The following DSCAML1 variants were observed in gnomAD, a reference collection of about 807,000 sequenced individuals.
DSCAML1 encodes cell adhesion molecule DSCAML1.
In DSCAML1, 38 loss-of-function variants were observed where a neutral mutation model predicts 200.5. The observed-to-expected ratio is 0.19, with a 90% CI of 0.15 to 0.25. DSCAML1 has a LOEUF of 0.25. Among genes scored for constraint, DSCAML1 ranks in the 10% least tolerant of loss-of-function variants. The pLI, the probability that DSCAML1 is intolerant of heterozygous loss-of-function variation, is 1.00. For synonymous variants in DSCAML1, 1,215 were observed against 1,165.0 expected (o/e 1.04, Z -0.87); for missense variants, 2,223 against 2,858.8 (o/e 0.78, Z 5.07).
At position 117,503,873 on chromosome 11, in the gene DSCAML1, G is replaced by A. The variant is rs146798244; in HGVS notation, c.2331C>T (p.Ile777=). The change falls in exon 11 of 33, where the codon ATC becomes ATT. Residue 777 remains isoleucine, a synonymous_variant. Transcript: ENST00000651296. The surrounding 1 kb of genome is among the most constrained non-coding windows in gnomAD (Gnocchi z 5.2). ...TGACTGTGAGGAACATGGACTTGCT[G>A]ATGTCGGTGCCTACGCCGTTGCTGG... The part of the protein sequence containing the change: ...CQASNGVGTD[I]SKSMFLTVKI... 7.4e-6 allele frequency: 12 copies of A among 1,614,022 alleles called. No homozygotes were observed. In the African/African-American group the frequency reaches 1.6e-4, roughly 22 times the overall value.
chr11:117,806,529 G>A (rs896055960), intron 1 of DSCAML1, among the ~76,000 whole-genome samples: 3 of 152,204 alleles, frequency 2.0e-5, no homozygotes, highest in African/African-American at 7.2e-5. Flanking sequence ...TAATAACAAT[G>A]ATTATAATTG....
At chr11:117,695,145 AAG>A (rs1248208013) in intron 3 of DSCAML1, among the ~76,000 whole-genome samples, 1 of 152,178 alleles carries the variant, frequency 6.6e-6, no homozygotes, top group African/African-American at 2.4e-5. Context: ...AGTAGGAAAA[AAG>A]GGAGAGAAAG....
At chr11:117,501,316 G>A (rs1343224694) in intron 11 of DSCAML1, among the ~76,000 whole-genome samples, 1 of 152,142 alleles carries the variant, frequency 6.6e-6, no homozygotes, top group Non-Finnish European at 1.5e-5. Flanking sequence ...AAGGCCAGGT[G>A]CACCAGCAGT....
chr11:117,594,181 A>G (rs1476288140), intron 3 of DSCAML1, among the ~76,000 whole-genome samples: 1 of 152,172 alleles, frequency 6.6e-6, no homozygotes, highest in African/African-American at 2.4e-5. Flanking sequence ...GTGCACAGAT[A>G]TTGGGTCCTG....
At chr11:117,626,763 T>C (rs2052055532) in intron 3 of DSCAML1, among the ~76,000 whole-genome samples, 1 of 152,096 alleles carries the variant, frequency 6.6e-6, no homozygotes, top group South Asian at 2.1e-4. Context: ...CCCACATCCC[T>C]GGACTACTGG....
chr11:117,691,809 T>A (rs1253852316), intron 3 of DSCAML1, among the ~76,000 whole-genome samples: 1 of 152,116 alleles, frequency 6.6e-6, no homozygotes, highest in African/African-American at 2.4e-5. Context: ...CCAGGGGGGT[T>A]TTGCTCACAA....
intron 3 of DSCAML1, among the ~76,000 whole-genome samples, chr11:117,725,578 C>T (rs915089712): frequency 1.2e-4 from 19 of 152,196 alleles, no homozygotes; most frequent in African/African-American, 4.1e-4. Context: ...CTGTTGAGCA[C>T]ACCAGAGTGA....
chr11:117,514,572 CTTTTTTTTTTTTT>C (rs532136039), intron 8 of DSCAML1, among the ~76,000 whole-genome samples: 2,110 of 98,398 alleles, frequency 0.021, 68 homozygotes, highest in African/African-American at 0.08. Context: ...TTTTCTTTTT[CTTTTTTTTTTTTT>C]TTTTTTTTTT....
chr11:117,597,334 G>A (rs910561100), intron 3 of DSCAML1, among the ~76,000 whole-genome samples: 2 of 152,222 alleles, frequency 1.3e-5, no homozygotes, highest in Non-Finnish European at 2.9e-5. Flanking sequence ...AAACACCTCT[G>A]CAAGAAGCAA....
chr11:117,714,826 G>GGGAAA (rs10684152), intron 3 of DSCAML1, among the ~76,000 whole-genome samples: 40 of 115,558 alleles, frequency 3.5e-4, no homozygotes, highest in Admixed American at 1.7e-3. Context: ...TCATCTTGAG[G>GGGAAA]AAAAAAAAAA....
chr11:117,595,914 A>T (rs2051354891), intron 3 of DSCAML1, among the ~76,000 whole-genome samples: 1 of 152,218 alleles, frequency 6.6e-6, no homozygotes, highest in Non-Finnish European at 1.5e-5. Context: ...GAAGGAACAA[A>T]ATGTCATGTC....
rs1201395630 is a variant in DSCAML1 at position 117,489,636 on chromosome 11, C to A, written c.2360-7474G>T. ...ACCCTGGTGTGAAGACGGCCCATTT[C>A]ATTCAAGCCTCAGTTACAGTCCCCA... On this transcript the variant is annotated intron_variant, in intron 11 of 32. Coordinates refer to ENST00000651296, the MANE Select transcript of DSCAML1 (RefSeq NM_020693.4). This position sits in a 1 kb window ranked among gnomAD's most constrained non-coding sequence, Gnocchi z 4.8. Among the ~76,000 whole-genome samples, 1 of 152,170 alleles carries A rather than the reference C, an allele frequency of 6.6e-6. No individual in the cohort carries two copies. The highest frequency in any genetic ancestry group is 1.5e-5 in the Non-Finnish European group (1 of 68,004).
intron 3 of DSCAML1, among the ~76,000 whole-genome samples, chr11:117,673,696 G>T (rs568802929): frequency 6.6e-6 from 1 of 152,248 alleles, no homozygotes; most frequent in African/African-American, 2.4e-5. Context: ...TCACCACTGG[G>T]TTGAGGAGGT....
chr11:117,780,281 A>AAAGAAAGAAAGG lies in DSCAML1; in HGVS notation c.364+211_364+212insCCTTTCTTTCTT. Reference sequence around the variant, plus strand: ...GAAAGAAAGAAAGAAAGAAAGAAAGAAAGAAAGAAAGAAAGAAAGAAAGAG... The same window carrying AAAGAAAGAAAGG: ...GAAAGAAAGAAAGAAAGAAAGAAAGAAAGAAAGAAAGGAAGAAAGAAAGAAAGAAAGAAAGAG... On this transcript the variant is annotated intron_variant, in intron 2 of 32. Transcript: ENST00000651296. This position sits in a 1 kb window ranked among gnomAD's most constrained non-coding sequence, Gnocchi z 4.8. 1.0e-5 allele frequency among the ~76,000 whole-genome samples: 1 copy of AAAGAAAGAAAGG among 97,066 alleles called. No homozygotes were observed. Among genetic ancestry groups the AAAGAAAGAAAGG allele is most frequent in the Middle Eastern group, 5.3e-3 (1 of 188 alleles). The allele number at this position is 97,066 out of a possible 152,430, so 63.7% of individuals were successfully genotyped here.
At chr11:117,484,226 G>A (rs894450062) in intron 11 of DSCAML1, among the ~76,000 whole-genome samples, 2 of 152,186 alleles carry the variant, frequency 1.3e-5, no homozygotes, top group Admixed American at 6.5e-5. Flanking sequence ...TTGAAGAAAT[G>A]AGGGGAGCCA....
intron 5 of DSCAML1, among the ~76,000 whole-genome samples, chr11:117,523,469 G>A (rs544564452): frequency 6.8e-4 from 104 of 152,316 alleles, no homozygotes; most frequent in Admixed American, 2.3e-3. Flanking sequence ...GGCTTTCAGC[G>A]TTTTAACCTA....
chr11:117,790,970 G>T (rs2055453885), intron 1 of DSCAML1, among the ~76,000 whole-genome samples: 1 of 152,224 alleles, frequency 6.6e-6, no homozygotes, highest in Non-Finnish European at 1.5e-5. Flanking sequence ...AATGAAGATG[G>T]TGACCTTGGA....
intron 11 of DSCAML1, among the ~76,000 whole-genome samples, chr11:117,496,992 C>T (rs1359141551): frequency 6.6e-6 from 1 of 152,196 alleles, no homozygotes; most frequent in Admixed American, 6.5e-5. Context: ...TAAGATCTCC[C>T]ATGTTTCGTT....
At chr11:117,567,122 T>C (rs2137428736) in intron 3 of DSCAML1, among the ~76,000 whole-genome samples, 1 of 152,332 alleles carries the variant, frequency 6.6e-6, no homozygotes, top group East Asian at 1.9e-4. Context: ...TCAAATGGTA[T>C]TTCTAGTTCT....
Sources: allele counts gnomAD v4.1 joint callset (sites outside exome capture counted in the v4.1 genomes callset), GRCh38; gene constraint gnomAD v4.1.1; non-coding constraint Gnocchi (gnomAD v3.1); transcripts MANE v1.5; gene names NCBI Gene and HGNC (gene_info 2026-07-23, HGNC 2026-07-21).